The following GRIK1 variants were observed in gnomAD, a reference collection of about 807,000 sequenced individuals.
The protein encoded by GRIK1 is glutamate ionotropic receptor kainate type subunit 1.
GRIK1 carries 69 observed loss-of-function variants against 105.7 expected under a neutral mutation model. That is an observed-to-expected ratio of 0.65 (90% CI 0.54 to 0.80). GRIK1 has a LOEUF of 0.80. GRIK1 is among the 30% of genes least tolerant of loss of function. The pLI is 0.00. For missense variants in GRIK1, 1,109 were observed against 1,167.3 expected (o/e 0.95, Z 0.73); for synonymous variants, 438 against 431.3 (o/e 1.02, Z -0.19).
At chr21:29,640,485 C>G (rs759923075) in intron 7 of GRIK1, among the ~76,000 whole-genome samples, 6 of 152,224 alleles carry the variant, frequency 3.9e-5, no homozygotes, top group East Asian at 3.9e-4. Context: ...TTCATTCCCC[C>G]CTCCCTTCCT....
intron 14 of GRIK1, among the ~76,000 whole-genome samples, chr21:29,562,412 T>G (rs934568982): frequency 2.6e-5 from 4 of 152,318 alleles, no homozygotes; most frequent in Middle Eastern, 3.4e-3. Flanking sequence ...CCCAGCACTT[T>G]GGGAGGCCGA....
chr21:29,598,753 C>T (rs2061462523), intron 8 of GRIK1, 77 bp downstream of exon 8: 1 of 663,428 alleles, frequency 1.5e-6, no homozygotes, highest in Non-Finnish European at 2.7e-6. Flanking sequence ...CATTCACCTA[C>T]TTGTCTTTGC....
Position 29,651,145 on chromosome 21 carries a change from C to G in GRIK1, c.927G>C (p.Glu309Asp). Residue 309 changes from glutamate (E) to aspartate (D), a missense_variant, in exon 6 of 18, where the codon GAG (glutamate) becomes GAC (aspartate). Transcript: ENST00000327783. ...TCATCATGCCATCCAAAAGGCCAGTCTCGGGCCTGGGTGGGGCCTGCAGTC... is the reference window on the plus strand; with the variant it reads ...TCATCATGCCATCCAAAAGGCCAGTGTCGGGCCTGGGTGGGGCCTGCAGTC... ...MERLQAPPRP[E>D]TGLLDGMMTT... 6.2e-7 allele frequency: 1 copy of G among 1,611,356 alleles called. No homozygotes were observed. Among genetic ancestry groups the G allele is most frequent in the Non-Finnish European group, 8.5e-7 (1 of 1,179,238 alleles).
At chr21:29,678,110 T>C (rs1366327183) in intron 3 of GRIK1, among the ~76,000 whole-genome samples, 2 of 152,138 alleles carry the variant, frequency 1.3e-5, no homozygotes, top group African/African-American at 4.8e-5. Flanking sequence ...AAAGATCAGG[T>C]TGCAAATTTT....
At chr21:29,759,144 A>C (rs1489319952) in intron 1 of GRIK1, 3 of 144,560 alleles carry the variant, frequency 2.1e-5, no homozygotes, top group Non-Finnish European at 4.5e-5. Context: ...TTTGAGATTG[A>C]GTCTCACTCT....
intron 14 of GRIK1, among the ~76,000 whole-genome samples, chr21:29,574,683 C>CTTTT (rs71191118): frequency 9.8e-4 from 96 of 98,396 alleles, no homozygotes; most frequent in African/African-American, 2.4e-3. Flanking sequence ...TGATACACTT[C>CTTTT]TTTTTTTTTT....
chr21:29,831,872 T>C (rs1284716637), intron 1 of GRIK1, among the ~76,000 whole-genome samples: 1 of 152,120 alleles, frequency 6.6e-6, no homozygotes, highest in East Asian at 1.9e-4. Context: ...CATTTCAACA[T>C]TACCTCAAAA....
intron 14 of GRIK1, among the ~76,000 whole-genome samples, chr21:29,573,390 AAGG>A (rs1232237591): frequency 6.6e-6 from 1 of 152,196 alleles, no homozygotes; most frequent in Non-Finnish European, 1.5e-5. Flanking sequence ...TGCCAGGAAA[AAGG>A]AGAACCCGCT....
chr21:29,850,670 C>T lies in GRIK1; in HGVS notation c.118+88713G>A, dbSNP rs1367932813. Among the ~76,000 whole-genome samples, 8 of 152,304 alleles carry T rather than the reference C, an allele frequency of 5.3e-5. No homozygotes were observed. In the East Asian group the frequency reaches 1.3e-3, roughly 26 times the overall value. ...GGCCTCCATCTGGACTCTGCCAGTTCCTTAGTCTTAGCAATGTACCAGGCA... is the reference window on the plus strand; with the variant it reads ...GGCCTCCATCTGGACTCTGCCAGTTTCTTAGTCTTAGCAATGTACCAGGCA... On this transcript the variant is annotated intron_variant, in intron 1 of 17. Transcript: ENST00000327783.
chr21:29,785,890 T>G (rs1051058157), intron 1 of GRIK1, among the ~76,000 whole-genome samples: 1 of 152,200 alleles, frequency 6.6e-6, no homozygotes, highest in African/African-American at 2.4e-5. Flanking sequence ...CTATATTGCC[T>G]CTGTCAGTTT....
chr21:29,588,734 A>T (rs1369961943), intron 11 of GRIK1, 105 bp downstream of exon 11: 3 of 717,208 alleles, frequency 4.2e-6, no homozygotes, highest in Non-Finnish European at 7.2e-6. Flanking sequence ...TCTTAAAAAA[A>T]TTGTTACGAT....
At chr21:29,687,814 A>G (rs920360883) in intron 3 of GRIK1, among the ~76,000 whole-genome samples, 1 of 152,240 alleles carries the variant, frequency 6.6e-6, no homozygotes, top group Non-Finnish European at 1.5e-5. Flanking sequence ...GAAATCTACA[A>G]TGCCTACGTC....
chr21:29,553,667 GT>G (rs867634999), intron 16 of GRIK1: 39 of 1,606,360 alleles, frequency 2.4e-5, no homozygotes, highest in Non-Finnish European at 3.1e-5. Context: ...GGTTGGATGG[GT>G]TTGCTTACAT....
intron 1 of GRIK1, among the ~76,000 whole-genome samples, chr21:29,937,928 A>T (rs74383733): frequency 6.6e-6 from 1 of 152,206 alleles, no homozygotes; most frequent in East Asian, 1.9e-4. Flanking sequence ...TAAAAAAATA[A>T]ATACTTTGAA....
At chr21:29,701,162 T>C (rs2063804974) in intron 1 of GRIK1, among the ~76,000 whole-genome samples, 1 of 152,222 alleles carries the variant, frequency 6.6e-6, no homozygotes, top group Non-Finnish European at 1.5e-5. Context: ...ATTTGTAAGA[T>C]GCCTAGACAG....
chr21:29,547,835 C>T (rs1302152877), intron 16 of GRIK1, among the ~76,000 whole-genome samples: 1 of 152,128 alleles, frequency 6.6e-6, no homozygotes, highest in Non-Finnish European at 1.5e-5. Context: ...GTTGATCCGA[C>T]TCCAGAGAAA....
chr21:29,792,379 T>A (rs1035624560), intron 1 of GRIK1, among the ~76,000 whole-genome samples: 2 of 152,202 alleles, frequency 1.3e-5, no homozygotes, highest in South Asian at 4.1e-4. Flanking sequence ...TTATTTGAAA[T>A]GTCTTGTGGG....
At chr21:29,718,609 A>G (rs1394805306) in intron 1 of GRIK1, among the ~76,000 whole-genome samples, 2 of 152,234 alleles carry the variant, frequency 1.3e-5, no homozygotes, top group Non-Finnish European at 2.9e-5. Flanking sequence ...TAGGCCTTGC[A>G]TATTGCAAGA....
At chr21:29,779,495 GT>G (rs869058288) in intron 1 of GRIK1, among the ~76,000 whole-genome samples, 1 of 20,242 alleles carries the variant, frequency 4.9e-5, no homozygotes, top group African/African-American at 1.5e-4. Context: ...CCCTTTTATG[GT>G]GTGTGTGTGT....
Sources: allele counts gnomAD v4.1 joint callset (sites outside exome capture counted in the v4.1 genomes callset), GRCh38; gene constraint gnomAD v4.1.1; transcripts MANE v1.5; gene names NCBI Gene and HGNC (gene_info 2026-07-23, HGNC 2026-07-21).